The following ANKFN1 variants were observed in gnomAD, a reference collection of about 807,000 sequenced individuals.
ANKFN1 encodes ankyrin repeat and fibronectin type III domain containing 1.
Under a neutral mutation model 108.7 loss-of-function variants are expected in ANKFN1, and 74 were observed. The observed-to-expected ratio is 0.68, with a 90% confidence interval of 0.56 to 0.83. ANKFN1 has a LOEUF of 0.83. ANKFN1 is among the 40% of genes least tolerant of loss of function. ANKFN1 has a pLI of 0.00. For synonymous variants in ANKFN1, 547 were observed against 516.2 expected, an observed-to-expected ratio of 1.06 and a Z score of -0.81; for missense variants, 1,505 against 1,382.3, an observed-to-expected ratio of 1.09 and a Z score of -1.41.
intron 4 of ANKFN1, among the ~76,000 whole-genome samples, chr17:56,123,885 G>T (rs1906772683): frequency 6.6e-6 from 1 of 150,990 alleles, no homozygotes; most frequent in Non-Finnish European, 1.5e-5. Context: ...GTCACTGCAA[G>T]TCTACATGAA....
chr17:56,443,298 C>T (rs1009431130), intron 10 of ANKFN1, among the ~76,000 whole-genome samples: 1 of 152,036 alleles, frequency 6.6e-6, no homozygotes, highest in African/African-American at 2.4e-5. Flanking sequence ...TCAGAGAGTT[C>T]GAGGCTATAG....
At chr17:56,476,515 A>T (rs569638537) in intron 15 of ANKFN1, among the ~76,000 whole-genome samples, 1 of 152,352 alleles carries the variant, frequency 6.6e-6, no homozygotes, top group East Asian at 1.9e-4. Flanking sequence ...AATATAATGC[A>T]AATTCAATGA....
Position 56,512,290 on chromosome 17 carries a change from C to T in ANKFN1, c.*1021C>T, listed in dbSNP as rs1393111260. On this transcript the variant is annotated 3_prime_UTR_variant, in exon 21 of 21. Transcript: ENST00000682825. ...GTCAGCAATGGGCTCCTCACAACCC[C>T]ACAGGCTTATCCACTCACCCTACAT... Among the ~76,000 whole-genome samples, 2 of 152,144 alleles carry T rather than the reference C, an allele frequency of 1.3e-5. No homozygotes were observed. The highest frequency in any genetic ancestry group is 2.9e-5 in the Non-Finnish European group (2 of 68,036).
chr17:56,456,398 T>C (rs913753360), intron 11 of ANKFN1, among the ~76,000 whole-genome samples: 2 of 112,642 alleles, frequency 1.8e-5, no homozygotes, highest in Admixed American at 2.2e-4. Context: ...CTTCTTTTTT[T>C]CTCTTTTTTT....
chr17:56,361,973 G>A (rs1567944123), intron 6 of ANKFN1, among the ~76,000 whole-genome samples: 1 of 152,148 alleles, frequency 6.6e-6, no homozygotes, highest in Non-Finnish European at 1.5e-5. Flanking sequence ...CATTTCTGCA[G>A]AATTCTGCTG....
chr17:56,516,256 AAGTG>A lies in ANKFN1; in HGVS notation c.*4988_*4991del, dbSNP rs1420331173. 7.1e-6 allele frequency among the ~76,000 whole-genome samples: 1 copy of A among 140,680 alleles called. No individual in the cohort carries two copies. Among genetic ancestry groups the A allele is most frequent in the South Asian group, 2.2e-4 (1 of 4,478 alleles). 92.3% of individuals were successfully genotyped at this position (140,680 alleles called of 152,430 possible). On this transcript the variant is annotated 3_prime_UTR_variant, in exon 21 of 21. Coordinates refer to ENST00000682825, the MANE Select transcript of ANKFN1 (RefSeq NM_001370326.1). ...AGTTTGATGTTTGTGATTTTTAAAA[AAGTG>A]TGTGTGTGTGTGTGTGTGTGTGCGT...
rs183563466 is a variant in ANKFN1, at chr17:56,139,573, G to A, written c.289-88344G>A. 7.2e-5 allele frequency among the ~76,000 whole-genome samples: 11 copies of A among 152,192 alleles called. No homozygotes were observed. In the East Asian group the frequency reaches 1.7e-3, roughly 24 times the overall value. ...TTTCCCCCCATTATGCTCTGTTGCC[G>A]ACAGACAGAGGAAAGTGATAGAAGG... On this transcript the variant is annotated intron_variant, in intron 4 of 12. Transcript: ENST00000635860.
At chr17:56,327,427 T>A (rs2045550457) in intron 4 of ANKFN1, among the ~76,000 whole-genome samples, 1 of 152,100 alleles carries the variant, frequency 6.6e-6, no homozygotes, top group Non-Finnish European at 1.5e-5. Flanking sequence ...GACAAAGTTG[T>A]GGCCTTGGGT....
intron 1 of ANKFN1, among the ~76,000 whole-genome samples, chr17:56,211,699 A>G (rs1439032346): frequency 1.3e-5 from 2 of 152,148 alleles, no homozygotes; most frequent in African/African-American, 4.8e-5. Flanking sequence ...TTTTGGCAGT[A>G]TGGTTATTTT....
At chr17:56,480,577 A>T in intron 16 of ANKFN1, 91 bp from the exon 17 acceptor site, 6 of 1,340,928 alleles carry the variant, frequency 4.5e-6, no homozygotes, top group Non-Finnish European at 6.2e-6. Context: ...AGCATTGGTT[A>T]TCCAGGTTCT....
chr17:56,237,751 G>GT (rs1044306115), intron 3 of ANKFN1, among the ~76,000 whole-genome samples: 199 of 149,778 alleles, frequency 1.3e-3, no homozygotes, highest in African/African-American at 4.0e-3. Flanking sequence ...TTTTGGAATG[G>GT]TTTTTTTTTG....
At position 56,189,233 on chromosome 17, in the gene ANKFN1, G is replaced by A. The variant is rs1463644807; in HGVS notation, c.-70-23365G>A. Among the ~76,000 whole-genome samples, 3 of 127,934 alleles carry A rather than the reference G, an allele frequency of 2.3e-5. No individual in the cohort carries two copies. In the East Asian group the frequency reaches 7.7e-4, roughly 33 times the overall value. The allele number at this position is 127,934 out of a possible 152,430, so 83.9% of individuals were successfully genotyped here. ...TCGCCCAGGCTGGAGTGCAGTGGCG[G>A]GATCTCGGCTCACTGCAAGCTCCGC... On this transcript the variant is annotated intron_variant, in intron 1 of 20. Coordinates refer to ENST00000682825, the MANE Select transcript of ANKFN1 (RefSeq NM_001370326.1).
chr17:56,254,073 T>C (rs188095934), intron 3 of ANKFN1: 1 of 152,348 alleles, frequency 6.6e-6, no homozygotes, highest in African/African-American at 2.4e-5. Flanking sequence ...ATTTTTCTAA[T>C]GCTGACCCCA....
At chr17:56,109,051 T>A (rs1248871592) in intron 4 of ANKFN1, among the ~76,000 whole-genome samples, 1 of 152,210 alleles carries the variant, frequency 6.6e-6, no homozygotes, top group Admixed American at 6.5e-5. Context: ...GGTAAAAGTC[T>A]CAGCTCTGCC....
chr17:56,388,314 A>G (rs2047333167), intron 8 of ANKFN1, among the ~76,000 whole-genome samples: 1 of 151,728 alleles, frequency 6.6e-6, no homozygotes, highest in Non-Finnish European at 1.5e-5. Flanking sequence ...TGCCCAGCTA[A>G]TGAGACGGGG....
At chr17:56,341,487 C>G (rs2045957629) in intron 4 of ANKFN1, among the ~76,000 whole-genome samples, 1 of 152,000 alleles carries the variant, frequency 6.6e-6, no homozygotes, top group Non-Finnish European at 1.5e-5. Flanking sequence ...CCTTCAGTAC[C>G]TAGTTTATTG....
intron 3 of ANKFN1, among the ~76,000 whole-genome samples, chr17:56,304,476 A>G (rs917247676): frequency 6.6e-6 from 1 of 152,150 alleles, no homozygotes; most frequent in African/African-American, 2.4e-5. Context: ...TTTTGTGCAA[A>G]CCAAAGTCCT....
chr17:56,291,055 A>G (rs951505028), intron 3 of ANKFN1, among the ~76,000 whole-genome samples: 6 of 152,150 alleles, frequency 3.9e-5, no homozygotes, highest in African/African-American at 1.4e-4. Context: ...TAAAAGTATT[A>G]TTTCTAGTTT....
intron 16 of ANKFN1, 39 bp downstream of exon 16, chr17:56,477,693 C>A: frequency 6.3e-7 from 1 of 1,598,312 alleles, no homozygotes; most frequent in Non-Finnish European, 8.5e-7. Context: ...TGTGATGAAA[C>A]AGTGGCTCAA....
Sources: gnomAD v4.1 joint callset for allele counts (sites outside exome capture counted in the v4.1 genomes callset) on GRCh38, gnomAD v4.1.1 for gene constraint, MANE v1.5 for transcripts, NCBI Gene and HGNC (gene_info 2026-07-23, HGNC 2026-07-21) for gene names.